The following MARCHF3 variants were observed in gnomAD, a reference collection of about 807,000 sequenced individuals.
The protein encoded by MARCHF3 is E3 ubiquitin-protein ligase MARCHF3.
A neutral mutation model predicts 24.2 loss-of-function variants in MARCHF3; 13 were observed. The observed-to-expected ratio is 0.54, with a 90% CI of 0.35 to 0.85. The LOEUF (loss-of-function observed/expected upper bound fraction) is 0.85. Ranked by LOEUF, MARCHF3 falls within the 40% of genes least tolerant of loss-of-function variation. The probability of loss-of-function intolerance (pLI) is 0.01; values close to 1 mark genes in which losing one functional copy is unlikely to be tolerated. For missense variants in MARCHF3, 276 were observed against 325.0 expected (o/e 0.85, Z 1.16); for synonymous variants, 144 against 137.3 (o/e 1.05, Z -0.34).
At chr5:126,921,996 CA>C (rs1050761873) in intron 1 of MARCHF3, among the ~76,000 whole-genome samples, 1 of 152,202 alleles carries the variant, frequency 6.6e-6, no homozygotes, top group Admixed American at 6.5e-5. Flanking sequence ...GGACAGGGTA[CA>C]GGTTTCACAA....
intron 3 of MARCHF3, among the ~76,000 whole-genome samples, chr5:126,887,974 C>T (rs1259053357): frequency 1.3e-5 from 2 of 152,152 alleles, no homozygotes; most frequent in Non-Finnish European, 2.9e-5. Context: ...TCCTTTCTCC[C>T]CAGCAGGGAA....
chr5:126,933,089 TA>T (rs545624340), intron 1 of MARCHF3, among the ~76,000 whole-genome samples: 25 of 152,116 alleles, frequency 1.6e-4, no homozygotes, highest in Non-Finnish European at 3.1e-4. Flanking sequence ...GTATGGTTTC[TA>T]AAAAAATAAA....
chr5:126,962,413 T>C (rs995576052), intron 1 of MARCHF3, among the ~76,000 whole-genome samples: 9 of 152,060 alleles, frequency 5.9e-5, no homozygotes, highest in African/African-American at 2.2e-4. Context: ...AATAATCATA[T>C]ATGTGTGTGT....
At chr5:126,941,438 T>C (rs545569471) in intron 1 of MARCHF3, among the ~76,000 whole-genome samples, 19 of 124,350 alleles carry the variant, frequency 1.5e-4, no homozygotes, top group Non-Finnish European at 2.0e-4. Flanking sequence ...CATCCAACAA[T>C]GAGGTGTGAT....
intron 1 of MARCHF3, among the ~76,000 whole-genome samples, chr5:126,979,410 G>A (rs907216911): frequency 2.6e-5 from 4 of 152,212 alleles, no homozygotes; most frequent in Non-Finnish European, 4.4e-5. Flanking sequence ...TGAGGAAAAC[G>A]AAGTCTTAAA....
intron 1 of MARCHF3, among the ~76,000 whole-genome samples, chr5:126,929,761 G>A (rs1414714253): frequency 3.9e-5 from 6 of 152,166 alleles, no homozygotes; most frequent in East Asian, 1.9e-4. Flanking sequence ...TAATTCCCAC[G>A]TATTGTGGGA....
intron 1 of MARCHF3, among the ~76,000 whole-genome samples, chr5:126,926,305 A>G (rs535923535): frequency 6.6e-6 from 1 of 152,284 alleles, no homozygotes; most frequent in African/African-American, 2.4e-5. Context: ...AGGGCAGTCT[A>G]AACTCTGCAT....
At chr5:127,019,293 A>G (rs1752723317) in intron 1 of MARCHF3, among the ~76,000 whole-genome samples, 1 of 152,152 alleles carries the variant, frequency 6.6e-6, no homozygotes, top group South Asian at 2.1e-4. Context: ...AAGTCACGAC[A>G]AGTAGTAGAC....
At chr5:126,906,865 G>T (rs9765196) in intron 3 of MARCHF3, among the ~76,000 whole-genome samples, 2,614 of 152,006 alleles carry the variant, frequency 0.017, 59 homozygotes, top group African/African-American at 0.051. Context: ...GCTAGCTTTT[G>T]AATGTGTTTG....
chr5:127,022,336 C>CTAT (rs1752831162), intron 1 of MARCHF3, among the ~76,000 whole-genome samples: 1 of 152,086 alleles, frequency 6.6e-6, no homozygotes. Context: ...GGTAACAGAG[C>CTAT]TTTTATAAAG....
chr5:126,993,035 T>C (rs534232409), intron 1 of MARCHF3, among the ~76,000 whole-genome samples: 1 of 152,056 alleles, frequency 6.6e-6, no homozygotes, highest in Non-Finnish European at 1.5e-5. Flanking sequence ...GCCTCCCAAA[T>C]TGCTGGGATT....
intron 1 of MARCHF3, among the ~76,000 whole-genome samples, chr5:126,967,908 C>T (rs978804045): frequency 1.3e-5 from 2 of 152,130 alleles, no homozygotes; most frequent in African/African-American, 4.8e-5. Flanking sequence ...CAACCATCAC[C>T]ATTATCTAAT....
chr5:126,913,160 G>A (rs1754599985), intron 3 of MARCHF3, among the ~76,000 whole-genome samples: 1 of 152,206 alleles, frequency 6.6e-6, no homozygotes, highest in Admixed American at 6.5e-5. Flanking sequence ...AGAAAAATTA[G>A]GGTATGTACA....
chr5:126,888,147 T>C (rs1450137166), intron 3 of MARCHF3, among the ~76,000 whole-genome samples: 4 of 152,178 alleles, frequency 2.6e-5, no homozygotes, highest in Non-Finnish European at 5.9e-5. Flanking sequence ...GAAATGCATA[T>C]ATAAGACCAT....
intron 1 of MARCHF3, among the ~76,000 whole-genome samples, chr5:127,006,678 C>A (rs933938072): frequency 1.3e-5 from 2 of 152,132 alleles, no homozygotes. Context: ...TATCTGTAAG[C>A]TTGACAGTTC....
At chr5:126,884,249 C>CA (rs1170632198) in intron 3 of MARCHF3, among the ~76,000 whole-genome samples, 1 of 152,142 alleles carries the variant, frequency 6.6e-6, no homozygotes, top group Non-Finnish European at 1.5e-5. Context: ...AGAACAAAAA[C>CA]AAACTCCTAC....
chr5:126,999,997 T>C (rs1022008857), intron 1 of MARCHF3, among the ~76,000 whole-genome samples: 1 of 149,426 alleles, frequency 6.7e-6, no homozygotes, highest in Non-Finnish European at 1.5e-5. Context: ...ATAGAATATA[T>C]ATTATTCTAT....
chr5:126,989,039 C>T (rs990160190), intron 1 of MARCHF3, among the ~76,000 whole-genome samples: 1 of 152,104 alleles, frequency 6.6e-6, no homozygotes, highest in African/African-American at 2.4e-5. Context: ...TACAATAGGA[C>T]TAGGCTGAGG....
chr5:126,874,926 A>G (rs1332297098), intron 4 of MARCHF3, among the ~76,000 whole-genome samples: 2 of 152,120 alleles, frequency 1.3e-5, no homozygotes, highest in African/African-American at 4.8e-5. Flanking sequence ...TAAACAATCA[A>G]ACCTTGGGAC....
Sources: gnomAD v4.1 joint callset for allele counts (sites outside exome capture counted in the v4.1 genomes callset) on GRCh38, gnomAD v4.1.1 for gene constraint, MANE v1.5 for transcripts, NCBI Gene and HGNC (gene_info 2026-07-23, HGNC 2026-07-21) for gene names.